Variants in THSD7B observed in about 807,000 individuals in gnomAD.
THSD7B encodes thrombospondin type 1 domain containing 7B, also known as thrombospondin type-1 domain-containing protein 7B.
THSD7B carries 138 observed loss-of-function variants against 213.6 expected under a neutral mutation model. That is an observed-to-expected ratio of 0.65 (90% CI 0.56 to 0.74). The LOEUF (loss-of-function observed/expected upper bound fraction) is 0.74. Among genes scored for constraint, THSD7B ranks in the 30% least tolerant of loss-of-function variants. The pLI, the probability that THSD7B is intolerant of heterozygous loss-of-function variation, is 0.00. For synonymous variants in THSD7B, 742 were observed against 687.0 expected, an observed-to-expected ratio of 1.08 and a Z score of -1.25; for missense variants, 1,931 against 1,991.5, an observed-to-expected ratio of 0.97 and a Z score of 0.58.
At chr2:137,578,864 A>T (rs1411480418) in intron 17 of THSD7B, among the ~76,000 whole-genome samples, 1 of 152,204 alleles carries the variant, frequency 6.6e-6, no homozygotes, top group Non-Finnish European at 1.5e-5. Flanking sequence ...TACTAAGCAC[A>T]GAAAGAAAAA....
Position 137,317,217 on chromosome 2 carries a change from T to A in THSD7B, c.2500+41191T>A, listed in dbSNP as rs1253692123. 3.3e-5 allele frequency among the ~76,000 whole-genome samples: 5 copies of A among 152,356 alleles called. No individual in the cohort carries two copies. In the East Asian group the frequency reaches 7.7e-4, roughly 24 times the overall value. ...TATCCTACATACTAATTATCTGATCTATTTTTATTTTCCCAAGAATTCTAT... is the reference window on the plus strand; with the variant it reads ...TATCCTACATACTAATTATCTGATCAATTTTTATTTTCCCAAGAATTCTAT... On this transcript the variant is annotated intron_variant, in intron 12 of 27. Coordinates refer to ENST00000409968, the MANE Select transcript of THSD7B (RefSeq NM_001316349.2).
rs186076548 is a variant in THSD7B at position 137,529,791 on chromosome 2, G to A, written c.3139-33430G>A. 2.8e-3 allele frequency among the ~76,000 whole-genome samples: 430 copies of A among 152,034 alleles called. 3 individuals carry two copies. The highest frequency in any genetic ancestry group is 1.6e-3 in the Non-Finnish European group (109 of 67,932). ...CTGCTGAGATTGAGATGAGTAATGAGAGTAGGGACATCTGGGTTTGTAGTG... is the reference window on the plus strand; with the variant it reads ...CTGCTGAGATTGAGATGAGTAATGAAAGTAGGGACATCTGGGTTTGTAGTG... On this transcript the variant is annotated intron_variant, in intron 15 of 27. Transcript: ENST00000409968.
rs151096646 is a variant in THSD7B, at chr2:137,563,184, G to C, written c.3139-37G>C. The C allele has an allele frequency of 1.4e-4, 229 of 1,605,066 alleles. 2 individuals are homozygous for C. The African/African-American group carries it at 2.7e-3, about 19-fold the overall frequency. Reference sequence around the variant, plus strand: ...AGGCTATTTTTCTATAAGTTGGATAGTTCCACATAATTTTGTTTCTTTCCT... The same window carrying C: ...AGGCTATTTTTCTATAAGTTGGATACTTCCACATAATTTTGTTTCTTTCCT... On this transcript the variant is annotated intron_variant, in intron 15 of 27. Transcript: ENST00000409968.
chr2:136,918,939 C>A (rs1009837702), intron 2 of THSD7B, among the ~76,000 whole-genome samples: 1 of 152,140 alleles, frequency 6.6e-6, no homozygotes, highest in African/African-American at 2.4e-5. Context: ...CCTGGGCATG[C>A]GTGAGTGATG....
At chr2:137,404,980 T>C (rs757102925) in intron 12 of THSD7B, among the ~76,000 whole-genome samples, 1 of 151,916 alleles carries the variant, frequency 6.6e-6, no homozygotes, top group South Asian at 2.1e-4. Context: ...AAATACCACC[T>C]GTACCCCAAT....
At chr2:136,799,233 C>T (rs761941561) in intron 1 of THSD7B, among the ~76,000 whole-genome samples, 4 of 151,740 alleles carry the variant, frequency 2.6e-5, no homozygotes, top group African/African-American at 4.8e-5. Flanking sequence ...TCATTATTGC[C>T]CTCCACTGTA....
In THSD7B at chr2:137,113,946, A is replaced by G. The variant is rs116905969; in HGVS notation, c.1200-1178A>G. The stretch of plus-strand genomic sequence containing the variant: ...TCTATGGTGGGCTTTTCACAAGACT[A>G]ATGATTCTCAGCTGATTCTTAGCTT... On this transcript the variant is annotated intron_variant, in intron 4 of 27. Transcript: ENST00000409968. Among the ~76,000 whole-genome samples the G allele has an allele frequency of 1.7e-3, 262 of 152,314 alleles. 7 individuals are homozygous for G. In the East Asian group the frequency reaches 0.042, roughly 24 times the overall value.
At chr2:137,504,717 G>A (rs139733727) in intron 15 of THSD7B, among the ~76,000 whole-genome samples, 19 of 152,276 alleles carry the variant, frequency 1.2e-4, no homozygotes, top group South Asian at 8.3e-4. Flanking sequence ...AAGAATATGC[G>A]AGAGTGCTGC....
chr2:137,606,338 C>A (rs1050034065), intron 17 of THSD7B, among the ~76,000 whole-genome samples: 5 of 152,134 alleles, frequency 3.3e-5, no homozygotes, highest in African/African-American at 1.2e-4. Flanking sequence ...ATGTTGCTAG[C>A]CCCAAGTATG....
chr2:136,897,082 A>G (rs563117154), intron 2 of THSD7B, among the ~76,000 whole-genome samples: 1 of 152,158 alleles, frequency 6.6e-6, no homozygotes, highest in South Asian at 2.1e-4. Context: ...AGTAGCTAGG[A>G]CTACAGGTGT....
intron 12 of THSD7B, among the ~76,000 whole-genome samples, chr2:137,342,518 A>G (rs1297395241): frequency 6.6e-6 from 1 of 151,274 alleles, no homozygotes; most frequent in Admixed American, 6.6e-5. Context: ...TATCTTGCCT[A>G]ATTGTTCTGA....
intron 13 of THSD7B, among the ~76,000 whole-genome samples, chr2:137,407,557 C>G (rs1488769437): frequency 6.6e-6 from 1 of 152,032 alleles, no homozygotes; most frequent in Non-Finnish European, 1.5e-5. Context: ...GAAACTAATG[C>G]TTGTATTTTG....
At chr2:136,937,740 T>C (rs1394032029) in intron 2 of THSD7B, among the ~76,000 whole-genome samples, 1 of 152,196 alleles carries the variant, frequency 6.6e-6, no homozygotes, top group Non-Finnish European at 1.5e-5. Context: ...TTCACTTTCT[T>C]GTAATGGAAG....
intron 12 of THSD7B, among the ~76,000 whole-genome samples, chr2:137,339,365 G>A (rs1468567564): frequency 6.6e-6 from 1 of 151,990 alleles, no homozygotes; most frequent in East Asian, 1.9e-4. Context: ...TGAGTGCTAT[G>A]AGAGAAGAAA....
At chr2:137,618,647 G>A in intron 19 of THSD7B, 140 bp downstream of exon 19, 1 of 690,914 alleles carries the variant, frequency 1.4e-6, no homozygotes, top group Non-Finnish European at 2.3e-6. Context: ...AGCGGTGCCA[G>A]TATAGTATGG....
rs755541234 is a variant in THSD7B at position 137,160,284 on chromosome 2, T to C, written c.1441T>C (p.Cys481Arg). 1 of 1,613,634 alleles carries C rather than the reference T, an allele frequency of 6.2e-7. No individual in the cohort carries two copies. Among genetic ancestry groups the C allele is most frequent in the Admixed American group, 1.7e-5 (1 of 59,978 alleles). ...PLPSQLCNIP[C>R]STDCIVSSWS... ...GCCCTCTCAGCTCTGCAATATCCCT[T>C]GCTCTACGGACTGCATAGTATCTTC... Residue 481 changes from cysteine to arginine, a missense_variant, in exon 6 of 28, where the codon TGC becomes CGC. Cys to Arg is a radical substitution (Grantham distance 180). Coordinates refer to ENST00000409968, the MANE Select transcript of THSD7B (RefSeq NM_001316349.2).
chr2:136,881,509 A>G (rs1683622410), intron 1 of THSD7B, among the ~76,000 whole-genome samples: 1 of 152,220 alleles, frequency 6.6e-6, no homozygotes, highest in African/African-American at 2.4e-5. Flanking sequence ...TCATGGCAAT[A>G]GAAAATTTGC....
chr2:137,089,291 T>TATATATGTGTGTGTATGTGTATATATAC (rs1687903696), intron 3 of THSD7B, among the ~76,000 whole-genome samples: 1 of 124,102 alleles, frequency 8.1e-6, no homozygotes, highest in African/African-American at 4.3e-5. Context: ...TATATATACA[T>TATATATGTGTGTGTATGTGTATATATAC]ATATATGTGT....
intron 12 of THSD7B, among the ~76,000 whole-genome samples, chr2:137,279,900 A>G (rs766433483): frequency 4.6e-5 from 7 of 152,194 alleles, no homozygotes; most frequent in Admixed American, 2.6e-4. Context: ...CAATTTGGAA[A>G]AGTTTATTTT....
Sources: allele counts gnomAD v4.1 joint callset (sites outside exome capture counted in the v4.1 genomes callset), GRCh38; gene constraint gnomAD v4.1.1; transcripts MANE v1.5; gene names NCBI Gene and HGNC (gene_info 2026-07-23, HGNC 2026-07-21).